Variants in PLCL2 observed in about 807,000 individuals in gnomAD.
PLCL2 encodes the protein phospholipase C like 2.
In PLCL2, 4 loss-of-function variants were observed where a neutral mutation model predicts 79.6. The ratio of observed to expected loss-of-function variants is 0.05; its 90% CI spans 0.02 to 0.11. PLCL2 has a LOEUF of 0.11. Among genes scored for constraint, PLCL2 ranks in the 10% least tolerant of loss-of-function variants. The pLI is 1.00. For missense variants in PLCL2, 895 were observed against 1,291.0 expected (o/e 0.69, Z 4.70); for synonymous variants, 484 against 457.7 (o/e 1.06, Z -0.73).
At chr3:16,888,088 T>C (rs927419488) in intron 1 of PLCL2, among the ~76,000 whole-genome samples, 1 of 152,194 alleles carries the variant, frequency 6.6e-6, no homozygotes, top group African/African-American at 2.4e-5. Flanking sequence ...ATTACAGTCT[T>C]GACAGCCCTC....
At chr3:16,947,979 C>T (rs1044779706) in intron 1 of PLCL2, among the ~76,000 whole-genome samples, 8 of 152,248 alleles carry the variant, frequency 5.3e-5, no homozygotes, top group African/African-American at 1.4e-4. Flanking sequence ...TAAAGAAAAA[C>T]ATGTTTTAAT....
At chr3:16,893,810 GT>G (rs1696407621) in intron 1 of PLCL2, among the ~76,000 whole-genome samples, 1 of 152,108 alleles carries the variant, frequency 6.6e-6, no homozygotes, top group African/African-American at 2.4e-5. Context: ...TGCTATACTT[GT>G]GTATGCATAT....
chr3:16,901,284 C>A (rs1216795243), intron 1 of PLCL2, among the ~76,000 whole-genome samples: 1 of 152,212 alleles, frequency 6.6e-6, no homozygotes, highest in African/African-American at 2.4e-5. Flanking sequence ...ATTAAAGACT[C>A]TTCAGAATGT....
chr3:16,904,746 A>G (rs1696712572), intron 1 of PLCL2, among the ~76,000 whole-genome samples: 1 of 151,938 alleles, frequency 6.6e-6, no homozygotes, highest in Non-Finnish European at 1.5e-5. Context: ...TAATTGAATC[A>G]TGGGGGCGGT....
intron 1 of PLCL2, among the ~76,000 whole-genome samples, chr3:16,992,731 AC>A (rs2064116936): frequency 6.6e-6 from 1 of 152,124 alleles, no homozygotes; most frequent in Non-Finnish European, 1.5e-5. Context: ...CTGGGCAAGG[AC>A]TCAGTTCTAG....
At chr3:17,074,235 C>G (rs1194794667) in intron 5 of PLCL2, among the ~76,000 whole-genome samples, 1 of 152,218 alleles carries the variant, frequency 6.6e-6, no homozygotes, top group East Asian at 1.9e-4. Flanking sequence ...ATATTAATCT[C>G]CTTGTGCATC....
intron 4 of PLCL2, among the ~76,000 whole-genome samples, chr3:17,063,252 C>A (rs149491646): frequency 4.9e-4 from 2 of 4,076 alleles, no homozygotes; most frequent in Admixed American, 3.0e-3. Context: ...CTGCCTTCCT[C>A]CCTTCCTCCC....
intron 5 of PLCL2, among the ~76,000 whole-genome samples, chr3:17,080,673 A>G (rs1276968336): frequency 6.6e-6 from 1 of 151,626 alleles, no homozygotes; most frequent in Non-Finnish European, 1.5e-5. Context: ...CTGGTCTTGA[A>G]CTCCTGACCT....
intron 4 of PLCL2, among the ~76,000 whole-genome samples, chr3:17,066,594 T>G (rs575524785): frequency 6.6e-6 from 1 of 152,334 alleles, no homozygotes; most frequent in Admixed American, 6.5e-5. Context: ...AGTTCTAAAT[T>G]ATATGTAATA....
At chr3:16,934,491 A>G (rs933289393) in intron 1 of PLCL2, among the ~76,000 whole-genome samples, 1 of 152,104 alleles carries the variant, frequency 6.6e-6, no homozygotes, top group Non-Finnish European at 1.5e-5. Context: ...CAGTCTGGAG[A>G]GGAGACTGGC....
chr3:17,065,653 T>C (rs184992389), intron 4 of PLCL2, among the ~76,000 whole-genome samples: 1 of 152,292 alleles, frequency 6.6e-6, no homozygotes, highest in African/African-American at 2.4e-5. Context: ...CCCCCACTAT[T>C]ATTGTTCCAC....
At chr3:17,014,557 G>T (rs2064362868) in intron 2 of PLCL2, 151 bp from the exon 3 acceptor site, 6 of 662,652 alleles carry the variant, frequency 9.1e-6, no homozygotes, top group Non-Finnish European at 1.3e-5. Flanking sequence ...TTTTTCCCAG[G>T]ATAAAACAAT....
At chr3:16,932,761 A>G (rs1697437170) in intron 1 of PLCL2, among the ~76,000 whole-genome samples, 1 of 152,222 alleles carries the variant, frequency 6.6e-6, no homozygotes, top group African/African-American at 2.4e-5. Flanking sequence ...GATCTAAGGC[A>G]TGAATTACAA....
At chr3:17,034,438 A>C (rs181914153) in intron 3 of PLCL2, among the ~76,000 whole-genome samples, 1 of 152,348 alleles carries the variant, frequency 6.6e-6, no homozygotes, top group African/African-American at 2.4e-5. Flanking sequence ...GGTATTTGAC[A>C]TTCATCCAAA....
At chr3:17,068,124 C>G in intron 5 of PLCL2, 59 bp downstream of exon 5, 3 of 885,628 alleles carry the variant, frequency 3.4e-6, no homozygotes, top group Non-Finnish European at 5.7e-6. Context: ...GCATGCTTCC[C>G]TCTCTTAGTA....
intron 1 of PLCL2, among the ~76,000 whole-genome samples, chr3:16,985,626 TGAG>T (rs1335516777): frequency 4.6e-5 from 7 of 152,188 alleles, no homozygotes; most frequent in African/African-American, 1.7e-4. Flanking sequence ...AGGGACTCTA[TGAG>T]GAGGACATAG....
Position 16,886,633 on chromosome 3 carries a change from G to A in PLCL2, c.327+1267G>A, listed in dbSNP as rs1246822420. Among the ~76,000 whole-genome samples the A allele has an allele frequency of 6.6e-6, 1 of 152,180 alleles. No homozygotes were observed. The highest frequency in any genetic ancestry group is 1.5e-5 in the Non-Finnish European group (1 of 68,036). The stretch of plus-strand genomic sequence containing the variant: ...GCAAGGACACAATTTGAAGGGTTTG[G>A]AGATGAAGTGTATTAACTACCTGCA... On this transcript the variant is annotated intron_variant, in intron 1 of 5. Coordinates refer to ENST00000615277, the MANE Select transcript of PLCL2 (RefSeq NM_001144382.2). This position sits in a 1 kb window ranked among gnomAD's most constrained non-coding sequence, Gnocchi z 4.2.
At chr3:17,000,852 T>C (rs2064202595) in intron 1 of PLCL2, among the ~76,000 whole-genome samples, 1 of 152,164 alleles carries the variant, frequency 6.6e-6, no homozygotes, top group African/African-American at 2.4e-5. Context: ...AGTCCATATT[T>C]TGGCTATTGT....
chr3:16,944,973 T>A (rs1278818364), intron 1 of PLCL2, among the ~76,000 whole-genome samples: 2 of 152,140 alleles, frequency 1.3e-5, no homozygotes, highest in East Asian at 1.9e-4. Context: ...TTGGCCAGGC[T>A]GGTCTCGAAC....
Sources: allele counts gnomAD v4.1 joint callset (sites outside exome capture counted in the v4.1 genomes callset), GRCh38; gene constraint gnomAD v4.1.1; non-coding constraint Gnocchi (gnomAD v3.1); transcripts MANE v1.5; gene names NCBI Gene and HGNC (gene_info 2026-07-23, HGNC 2026-07-21).